FHIT: variants seen among roughly 807,000 people sequenced by gnomAD.
The protein encoded by FHIT is bis(5'-adenosyl)-triphosphatase.
In FHIT, 19 loss-of-function variants were observed where a neutral mutation model predicts 17.9. That is an observed-to-expected ratio of 1.06 (90% CI 0.74 to 1.56). The LOEUF (loss-of-function observed/expected upper bound fraction) is 1.56. FHIT is among the 40% of genes most tolerant of loss of function. The probability of loss-of-function intolerance (pLI) is 0.00; values close to 1 mark genes in which losing one functional copy is unlikely to be tolerated. For synonymous variants in FHIT, 81 were observed against 69.7 expected (o/e 1.16, Z -0.81); for missense variants, 248 against 189.2 (o/e 1.31, Z -1.82).
chr3:61,099,386 G>T (rs950333839), intron 2 of FHIT, among the ~76,000 whole-genome samples: 14 of 150,796 alleles, frequency 9.3e-5, no homozygotes, highest in Non-Finnish European at 2.1e-4. Context: ...GTTTTTTTTT[G>T]TTGTATCTCT....
At chr3:60,295,847 G>A (rs553770345) in intron 5 of FHIT, among the ~76,000 whole-genome samples, 3 of 152,128 alleles carry the variant, frequency 2.0e-5, no homozygotes, top group Non-Finnish European at 4.4e-5. Flanking sequence ...TACATAGGAA[G>A]GAGGGTGATA....
intron 3 of FHIT, among the ~76,000 whole-genome samples, chr3:60,973,067 T>G (rs992958344): frequency 4.6e-5 from 7 of 152,184 alleles, no homozygotes; most frequent in Non-Finnish European, 8.8e-5. Context: ...CTGTCTTGAT[T>G]ATTGGCCATT....
chr3:60,578,415 C>A (rs915382547), intron 4 of FHIT, among the ~76,000 whole-genome samples: 57 of 145,894 alleles, frequency 3.9e-4, no homozygotes, highest in Non-Finnish European at 5.5e-4. Flanking sequence ...CTGGCCTGGG[C>A]GAAAGAGCAT....
chr3:59,857,250 A>C (rs1251010249), intron 8 of FHIT, among the ~76,000 whole-genome samples: 1 of 152,202 alleles, frequency 6.6e-6, no homozygotes, highest in Non-Finnish European at 1.5e-5. Context: ...GAGGGCAGGA[A>C]TGAGCGATAC....
At chr3:60,335,141 T>C (rs1185088554) in intron 5 of FHIT, among the ~76,000 whole-genome samples, 1 of 152,228 alleles carries the variant, frequency 6.6e-6, no homozygotes, top group Non-Finnish European at 1.5e-5. Flanking sequence ...AGATAATCTC[T>C]GATTTGTAAA....
At chr3:59,785,290 G>C (rs2106900103) in intron 8 of FHIT, among the ~76,000 whole-genome samples, 1 of 147,328 alleles carries the variant, frequency 6.8e-6, no homozygotes, top group African/African-American at 2.5e-5. Context: ...CATTCCAGAA[G>C]TGATTAGTGA....
chr3:59,779,712 T>C (rs1350307823), intron 8 of FHIT, among the ~76,000 whole-genome samples: 1 of 152,174 alleles, frequency 6.6e-6, no homozygotes, highest in Non-Finnish European at 1.5e-5. Context: ...AGTCAGTGTC[T>C]CTCCCCATGG....
At chr3:61,203,911 T>C (rs2039118095) in intron 1 of FHIT, among the ~76,000 whole-genome samples, 1 of 152,246 alleles carries the variant, frequency 6.6e-6, no homozygotes. Flanking sequence ...ATTCTACAAA[T>C]GTATTGCCAG....
intron 4 of FHIT, among the ~76,000 whole-genome samples, chr3:60,787,279 G>A (rs1226078664): frequency 6.6e-6 from 1 of 152,174 alleles, no homozygotes; most frequent in East Asian, 1.9e-4. Flanking sequence ...TAAAATCCCT[G>A]CTCCAGCTTT....
chr3:60,867,186 T>C (rs28658327), intron 3 of FHIT, among the ~76,000 whole-genome samples: 2,096 of 151,524 alleles, frequency 0.014, 44 homozygotes, highest in African/African-American at 0.048. Context: ...AATTTGCTTA[T>C]TATCTATTTC....
chr3:60,342,907 C>A (rs1238661604), intron 5 of FHIT, among the ~76,000 whole-genome samples: 4 of 152,140 alleles, frequency 2.6e-5, no homozygotes, highest in Non-Finnish European at 5.9e-5. Context: ...TTTGTCATCA[C>A]TCTAATCCAC....
At chr3:60,823,839 A>T (rs1009833970) in intron 3 of FHIT, among the ~76,000 whole-genome samples, 6 of 152,126 alleles carry the variant, frequency 3.9e-5, no homozygotes, top group South Asian at 4.1e-4. Context: ...GGAAGATTTG[A>T]GGTGCAGGGG....
intron 8 of FHIT, among the ~76,000 whole-genome samples, chr3:59,854,634 G>C: frequency 6.6e-6 from 1 of 152,116 alleles, no homozygotes; most frequent in Non-Finnish European, 1.5e-5. Flanking sequence ...TCACAATTTT[G>C]TGATTTTTAC....
intron 5 of FHIT, among the ~76,000 whole-genome samples, chr3:60,016,745 C>CT (rs1700360331): frequency 6.6e-6 from 1 of 152,104 alleles, no homozygotes; most frequent in Non-Finnish European, 1.5e-5. Context: ...TACATTTCAC[C>CT]TTTTAAAGTA....
At chr3:59,867,638 C>G (rs1428698748) in intron 8 of FHIT, among the ~76,000 whole-genome samples, 2 of 151,986 alleles carry the variant, frequency 1.3e-5, no homozygotes, top group Non-Finnish European at 2.9e-5. Flanking sequence ...TATCTAGAAC[C>G]AGGGGGAGTT....
intron 5 of FHIT, among the ~76,000 whole-genome samples, chr3:60,210,473 G>C (rs1277976640): frequency 2.0e-5 from 3 of 151,968 alleles, no homozygotes; most frequent in Non-Finnish European, 4.4e-5. Flanking sequence ...AAAGATTCCA[G>C]AAACAAATTG....
intron 2 of FHIT, among the ~76,000 whole-genome samples, chr3:61,144,814 C>T (rs531236601): frequency 6.6e-6 from 1 of 152,288 alleles, no homozygotes; most frequent in East Asian, 1.9e-4. Flanking sequence ...TACTAAGCAT[C>T]TCTTCGTGTG....
chr3:61,015,022 T>A (rs1374452758), intron 3 of FHIT, among the ~76,000 whole-genome samples: 1 of 151,688 alleles, frequency 6.6e-6, no homozygotes, highest in East Asian at 1.9e-4. Flanking sequence ...ACAATGAGGT[T>A]ACTAGATAAG....
intron 5 of FHIT, among the ~76,000 whole-genome samples, chr3:60,468,365 C>A (rs919084344): frequency 1.3e-5 from 2 of 152,034 alleles, no homozygotes; most frequent in Admixed American, 1.3e-4. Flanking sequence ...TTGTAGTCTT[C>A]TCTTTCTTCT....
Sources: gnomAD v4.1 joint callset for allele counts (sites outside exome capture counted in the v4.1 genomes callset) on GRCh38, gnomAD v4.1.1 for gene constraint, MANE v1.5 for transcripts, NCBI Gene and HGNC (gene_info 2026-07-23, HGNC 2026-07-21) for gene names.